Variants in RBMS3 observed in about 807,000 individuals in gnomAD.
RBMS3 encodes the protein RNA-binding motif, single-stranded-interacting protein 3.
A neutral mutation model predicts 66.8 loss-of-function variants in RBMS3; 27 were observed. The ratio of observed to expected loss-of-function variants is 0.40; its 90% CI spans 0.30 to 0.56. The LOEUF (loss-of-function observed/expected upper bound fraction) is 0.56, where lower values mean the gene tolerates loss of function less well. Among genes scored for constraint, RBMS3 ranks in the 20% least tolerant of loss-of-function variants. The pLI is 0.40. For synonymous variants in RBMS3, 188 were observed against 183.0 expected, an observed-to-expected ratio of 1.03 and a Z score of -0.22; for missense variants, 513 against 549.5, an observed-to-expected ratio of 0.93 and a Z score of 0.66.
intron 3 of RBMS3, among the ~76,000 whole-genome samples, chr3:29,499,278 T>TA (rs74985859): frequency 0.13 from 20,100 of 152,174 alleles, 1,970 homozygotes; most frequent in African/African-American, 0.27. Flanking sequence ...TTGTTCTTAT[T>TA]ATTAGTTAAT....
chr3:29,806,647 G>T (rs1368824336), intron 6 of RBMS3, among the ~76,000 whole-genome samples: 1 of 151,846 alleles, frequency 6.6e-6, no homozygotes, highest in Non-Finnish European at 1.5e-5. Context: ...GGTTGCTTTA[G>T]TCTCTTCACT....
intron 2 of RBMS3, among the ~76,000 whole-genome samples, chr3:29,463,571 G>T (rs1382490356): frequency 6.8e-6 from 1 of 147,082 alleles, no homozygotes; most frequent in Non-Finnish European, 1.5e-5. Context: ...AGGGCCACTT[G>T]TCAAGATATC....
intron 12 of RBMS3, among the ~76,000 whole-genome samples, chr3:29,959,861 A>G (rs562394187): frequency 6.6e-6 from 1 of 152,206 alleles, no homozygotes; most frequent in East Asian, 1.9e-4. Context: ...GAACTGCCCC[A>G]TGATTCAATT....
chr3:29,638,841 A>G (rs1374590899), intron 4 of RBMS3, among the ~76,000 whole-genome samples: 1 of 151,830 alleles, frequency 6.6e-6, no homozygotes, highest in African/African-American at 2.4e-5. Context: ...TGTATTAGGT[A>G]TATTTTTGTT....
At chr3:29,488,272 T>C (rs2043396404) in intron 2 of RBMS3, among the ~76,000 whole-genome samples, 169 bp from the exon 3 acceptor site, 1 of 152,178 alleles carries the variant, frequency 6.6e-6, no homozygotes, top group Non-Finnish European at 1.5e-5. Flanking sequence ...TCCTAAGTTA[T>C]AAAGAAGAAC....
intron 3 of RBMS3, among the ~76,000 whole-genome samples, chr3:29,548,748 C>A (rs80274297): frequency 0.013 from 2,025 of 152,022 alleles, 45 homozygotes; most frequent in African/African-American, 0.046. Context: ...TCCTCAACAT[C>A]CAACTCTTCA....
intron 2 of RBMS3, among the ~76,000 whole-genome samples, chr3:29,452,029 G>C (rs1385789658): frequency 6.6e-6 from 1 of 152,144 alleles, no homozygotes; most frequent in Admixed American, 6.6e-5. Flanking sequence ...ATTAGGCCAT[G>C]GACTTTCAGA....
rs942255684 is a variant in RBMS3 at position 29,731,068 on chromosome 3, C to G, written c.400-8652C>G. On this transcript the variant is annotated intron_variant, in intron 4 of 14. Transcript: ENST00000383767. ...CCTCATGGAATCATTCACTGCCTAA[C>G]TCAATTGAAGGCTCCTCAATTGATC... The G allele has an allele frequency of 6.2e-6, 6 of 969,220 alleles. No homozygotes were observed. The African/African-American group carries it at 1.1e-4, about 17-fold the overall frequency. 60.0% of individuals were successfully genotyped at this position (969,220 alleles called of 1,614,324 possible). A position where few individuals can be genotyped will look rare whatever the true frequency, so the allele number is the denominator to read the frequency against.
intron 10 of RBMS3, among the ~76,000 whole-genome samples, chr3:29,912,315 G>A (rs920456255): frequency 1.4e-4 from 22 of 151,996 alleles, no homozygotes; most frequent in Non-Finnish European, 2.2e-4. Flanking sequence ...TCCAGGTGCC[G>A]TTAGACAAGG....
rs200916185 is a variant in RBMS3, at chr3:29,574,874, T to TA, written c.308-12235dup. Among the ~76,000 whole-genome samples, 634 of 150,618 alleles carry TA rather than the reference T, an allele frequency of 4.2e-3. 13 individuals are homozygous for TA. Among genetic ancestry groups the TA allele is most frequent in the Admixed American group, 0.036 (544 of 15,160 alleles). On this transcript the variant is annotated intron_variant, in intron 3 of 14. Coordinates refer to ENST00000383767, the MANE Select transcript of RBMS3 (RefSeq NM_001003793.3). ...ACACACACACACACAAGAAAATTAA[T>TA]AAAAACCCTACACTTTAACTTCATC...
intron 6 of RBMS3, among the ~76,000 whole-genome samples, chr3:29,850,645 CT>C: frequency 6.6e-6 from 1 of 152,270 alleles, no homozygotes; most frequent in East Asian, 1.9e-4. Flanking sequence ...ATTATCTCTC[CT>C]CCAACATCCT....
At chr3:29,492,906 C>A (rs2043602859) in intron 3 of RBMS3, among the ~76,000 whole-genome samples, 1 of 152,156 alleles carries the variant, frequency 6.6e-6, no homozygotes, top group South Asian at 2.1e-4. Flanking sequence ...GAAACTGGTT[C>A]ATCCATTCTT....
In RBMS3 at chr3:29,964,744, A is replaced by T. The variant is rs1451320352; in HGVS notation, c.1098+20490A>T. ...ATTTTATTTTATTTTTCCATAAGTT[A>T]TTGGAGTACAGGTGGTATTTGGTTA... On this transcript the variant is annotated intron_variant, in intron 12 of 14. Transcript: ENST00000383767. Among the ~76,000 whole-genome samples, 3 of 152,220 alleles carry T rather than the reference A, an allele frequency of 2.0e-5. No individual in the cohort carries two copies. In the South Asian group the frequency reaches 6.2e-4, roughly 31 times the overall value.
intron 6 of RBMS3, among the ~76,000 whole-genome samples, chr3:29,796,814 G>A (rs900683192): frequency 1.4e-5 from 2 of 147,674 alleles, no homozygotes; most frequent in South Asian, 4.2e-4. Context: ...CTGGGTTCAA[G>A]CGATTCTCCT....
chr3:29,671,504 G>A (rs143031739), intron 4 of RBMS3, among the ~76,000 whole-genome samples: 77 of 152,214 alleles, frequency 5.1e-4, no homozygotes, highest in African/African-American at 1.8e-3. Flanking sequence ...CAGGATGTTC[G>A]AACCCATCGC....
intron 10 of RBMS3, among the ~76,000 whole-genome samples, chr3:29,907,165 G>A (rs1042115656): frequency 2.0e-5 from 3 of 152,168 alleles, no homozygotes; most frequent in South Asian, 2.1e-4. Flanking sequence ...CTTGCAAAAT[G>A]TTTGGTTGAT....
chr3:29,320,223 T>C (rs2034923872), intron 1 of RBMS3, among the ~76,000 whole-genome samples: 2 of 152,066 alleles, frequency 1.3e-5, no homozygotes, highest in African/African-American at 2.4e-5. Flanking sequence ...CAGAGTAGAC[T>C]ACGGTCAGCT....
intron 6 of RBMS3, among the ~76,000 whole-genome samples, chr3:29,789,632 A>G (rs2056935400): frequency 1.3e-5 from 2 of 152,098 alleles, no homozygotes; most frequent in Admixed American, 1.3e-4. Context: ...TATTTTACAT[A>G]ATGTTTGACT....
At chr3:29,587,246 T>TG (rs2047560410) in intron 4 of RBMS3, 41 bp downstream of exon 4, 2 of 776,184 alleles carry the variant, frequency 2.6e-6, no homozygotes, top group Non-Finnish European at 3.6e-6. Flanking sequence ...TTTTTTTTTT[T>TG]TTTGTGTGTG....
Sources: gnomAD v4.1 joint callset for allele counts (sites outside exome capture counted in the v4.1 genomes callset) on GRCh38, gnomAD v4.1.1 for gene constraint, MANE v1.5 for transcripts, NCBI Gene and HGNC (gene_info 2026-07-23, HGNC 2026-07-21) for gene names.